The following PRELID2 variants were observed in gnomAD, a reference collection of about 807,000 sequenced individuals.
PRELID2 encodes the protein PRELI domain-containing protein 2.
In PRELID2, 25 loss-of-function variants were observed where a neutral mutation model predicts 28.4. The ratio of observed to expected loss-of-function variants is 0.88; its 90% CI spans 0.64 to 1.23. The LOEUF is 1.23. Among genes scored for constraint, PRELID2 ranks in the 50% most tolerant of loss-of-function variants. The pLI, the probability that PRELID2 is intolerant of heterozygous loss-of-function variation, is 0.00. For missense variants in PRELID2, 201 were observed against 214.4 expected (o/e 0.94, Z 0.39); for synonymous variants, 76 against 71.6 (o/e 1.06, Z -0.31).
the PRELID2 span, among the ~76,000 whole-genome samples, chr5:145,371,419 G>A: frequency 3.9e-5 from 6 of 152,082 alleles, no homozygotes; most frequent in Non-Finnish European, 5.9e-5. Flanking sequence ...TATGTTTATT[G>A]ACTAGTGTAT....
chr5:145,639,100 C>T (rs935367633), intron 1 of PRELID2, among the ~76,000 whole-genome samples: 1 of 152,174 alleles, frequency 6.6e-6, no homozygotes, highest in East Asian at 1.9e-4. Context: ...TTTCCCAAAA[C>T]ATATAACTCT....
chr5:145,794,724 A>G (rs1752622007), intron 5 of PRELID2, among the ~76,000 whole-genome samples: 1 of 152,168 alleles, frequency 6.6e-6, no homozygotes, highest in South Asian at 2.1e-4. Context: ...TCTCATTCTC[A>G]TTAATAAAAT....
At chr5:145,726,139 A>G (rs937691285) in intron 1 of PRELID2, among the ~76,000 whole-genome samples, 41 of 151,492 alleles carry the variant, frequency 2.7e-4, no homozygotes, top group African/African-American at 9.4e-4. Flanking sequence ...ACTGCACTCT[A>G]GCCTGGCTGA....
At chr5:145,586,416 GT>G (rs765199249) in intron 1 of PRELID2, among the ~76,000 whole-genome samples, 3 of 152,062 alleles carry the variant, frequency 2.0e-5, no homozygotes, top group Non-Finnish European at 2.9e-5. Flanking sequence ...GCTGAGGCAG[GT>G]GGATCGCCTG....
the PRELID2 span, among the ~76,000 whole-genome samples, chr5:145,286,350 T>C: frequency 9.2e-5 from 14 of 152,294 alleles, no homozygotes; most frequent in Non-Finnish European, 1.8e-4. Context: ...GCAGTCGCTG[T>C]TTTTTCAGGA....
chr5:145,294,296 T>C, the PRELID2 span, among the ~76,000 whole-genome samples: 3 of 152,184 alleles, frequency 2.0e-5, no homozygotes, highest in Admixed American at 6.6e-5. Flanking sequence ...ATTTCTAAAA[T>C]GCTAATGAAT....
In PRELID2 at chr5:145,741,802, A is replaced by T. The variant is rs188915588; in HGVS notation, n.70+23129T>A. 8.2e-3 allele frequency among the ~76,000 whole-genome samples: 886 copies of T among 108,058 alleles called. 132 individuals are homozygous for T. The highest frequency in any genetic ancestry group is 0.032 in the African/African-American group (849 of 26,888). The allele number at this position is 108,058 out of a possible 152,430, so 70.9% of individuals were successfully genotyped here. On this transcript the variant is annotated intron_variant and non_coding_transcript_variant, in intron 1 of 2. Transcript: ENST00000510259. ...ATTTATTTATAAAGTATTTATATAT[A>T]AATTTATTTATAAATATACAAATAT...
At chr5:145,551,232 CT>C (rs2126681323) in intron 1 of PRELID2, among the ~76,000 whole-genome samples, 1 of 151,990 alleles carries the variant, frequency 6.6e-6, no homozygotes, top group African/African-American at 2.4e-5. Context: ...GAAACCTTGT[CT>C]CTACTAAAAA....
chr5:145,289,584 A>T, the PRELID2 span, among the ~76,000 whole-genome samples: 10 of 152,210 alleles, frequency 6.6e-5, no homozygotes, highest in African/African-American at 2.4e-4. Context: ...CTGTGTGGAC[A>T]TTCATTTTCA....
chr5:145,683,823 G>T (rs1242562692), intron 1 of PRELID2, among the ~76,000 whole-genome samples: 1 of 152,196 alleles, frequency 6.6e-6, no homozygotes, highest in Admixed American at 6.5e-5. Context: ...AAAGGGGGCT[G>T]CTTGGTCACT....
At chr5:145,405,550 G>A in the PRELID2 span, among the ~76,000 whole-genome samples, 1 of 152,036 alleles carries the variant, frequency 6.6e-6, no homozygotes, top group Non-Finnish European at 1.5e-5. Flanking sequence ...TCATGTGGGT[G>A]CAAATTGTAG....
intron 1 of PRELID2, among the ~76,000 whole-genome samples, chr5:145,698,937 G>A (rs1561548265): frequency 2.0e-5 from 3 of 152,238 alleles, no homozygotes; most frequent in East Asian, 1.9e-4. Context: ...ATGTTGGCCA[G>A]GCTGGTCTCG....
At chr5:145,822,995 C>CCA (rs960338607) in intron 2 of PRELID2, 82 bp downstream of exon 2, 2 of 721,322 alleles carry the variant, frequency 2.8e-6, no homozygotes, top group South Asian at 1.8e-5. Flanking sequence ...ACCTAATAGG[C>CCA]CACACACACA....
intron 1 of PRELID2, among the ~76,000 whole-genome samples, chr5:145,684,761 C>A (rs903969901): frequency 9.9e-5 from 15 of 152,136 alleles, no homozygotes; most frequent in African/African-American, 3.4e-4. Context: ...ATGGATGAAC[C>A]AATCCTGGGG....
At chr5:145,282,110 G>A in the PRELID2 span, among the ~76,000 whole-genome samples, 1 of 152,130 alleles carries the variant, frequency 6.6e-6, no homozygotes, top group African/African-American at 2.4e-5. Context: ...TAATCACCCA[G>A]TGTGTTTAGT....
intron 2 of PRELID2, among the ~76,000 whole-genome samples, chr5:145,820,964 T>C: frequency 6.6e-6 from 1 of 152,118 alleles, no homozygotes; most frequent in Non-Finnish European, 1.5e-5. Flanking sequence ...CGTTGGCATA[T>C]ATCCGGGGTC....
At chr5:145,820,659 C>T (rs762815461) in intron 2 of PRELID2, among the ~76,000 whole-genome samples, 2 of 152,070 alleles carry the variant, frequency 1.3e-5, no homozygotes, top group African/African-American at 2.4e-5. Context: ...CAAACCTGTA[C>T]GGTTCTGCAG....
chr5:145,607,273 C>A (rs747601132), intron 1 of PRELID2, among the ~76,000 whole-genome samples: 1 of 151,938 alleles, frequency 6.6e-6, no homozygotes, highest in Non-Finnish European at 1.5e-5. Flanking sequence ...TTTGTTATTT[C>A]TTGTCTTCTG....
chr5:145,817,202 A>ATATATATATATATAT (rs1561643627), intron 4 of PRELID2, among the ~76,000 whole-genome samples: 16 of 51,362 alleles, frequency 3.1e-4, no homozygotes, highest in South Asian at 8.5e-4. Flanking sequence ...AAAAAAAATA[A>ATATATATATATATAT]ATAAATAAAT....
Sources: gnomAD v4.1 joint callset for allele counts (sites outside exome capture counted in the v4.1 genomes callset) on GRCh38, gnomAD v4.1.1 for gene constraint, MANE v1.5 for transcripts, NCBI Gene and HGNC (gene_info 2026-07-23, HGNC 2026-07-21) for gene names.